GRIA4: variants seen among roughly 807,000 people sequenced by gnomAD.
GRIA4 encodes glutamate receptor 4.
A neutral mutation model predicts 104.0 loss-of-function variants in GRIA4; 34 were observed. The ratio of observed to expected loss-of-function variants is 0.33; its 90% confidence interval spans 0.25 to 0.44. GRIA4 has a LOEUF of 0.44. Ranked by LOEUF, GRIA4 falls within the 20% of genes least tolerant of loss-of-function variation. The pLI is 1.00. For missense variants in GRIA4, 750 were observed against 1,096.5 expected (o/e 0.68, Z 4.46); for synonymous variants, 386 against 381.9 (o/e 1.01, Z -0.13).
At chr11:105,865,636 A>C (rs894091527) in intron 5 of GRIA4, among the ~76,000 whole-genome samples, 1 of 152,194 alleles carries the variant, frequency 6.6e-6, no homozygotes, top group Non-Finnish European at 1.5e-5. Flanking sequence ...AGAGATTTAT[A>C]GTGGGAGTCT....
At chr11:105,793,525 T>C (rs995868978) in intron 4 of GRIA4, among the ~76,000 whole-genome samples, 1 of 152,132 alleles carries the variant, frequency 6.6e-6, no homozygotes, top group Non-Finnish European at 1.5e-5. Context: ...CAGGACTCTA[T>C]TACCTCTCTT....
intron 4 of GRIA4, among the ~76,000 whole-genome samples, chr11:105,793,393 T>C (rs912938098): frequency 6.6e-6 from 1 of 152,128 alleles, no homozygotes; most frequent in Admixed American, 6.6e-5. Flanking sequence ...TTATCACATC[T>C]AGGGTTCCTG....
chr11:105,654,291 T>G (rs1262912985), intron 3 of GRIA4, among the ~76,000 whole-genome samples: 1 of 151,824 alleles, frequency 6.6e-6, no homozygotes, highest in Admixed American at 6.6e-5. Flanking sequence ...TACAACATGC[T>G]GACTGTGACT....
chr11:105,673,941 A>G (rs1426798308), intron 3 of GRIA4, among the ~76,000 whole-genome samples: 1 of 152,040 alleles, frequency 6.6e-6, no homozygotes, highest in Non-Finnish European at 1.5e-5. Flanking sequence ...ATATTTTTAA[A>G]TGCAAATGAA....
intron 4 of GRIA4, among the ~76,000 whole-genome samples, chr11:105,764,591 C>A (rs909705205): frequency 1.3e-5 from 2 of 151,782 alleles, no homozygotes; most frequent in South Asian, 2.1e-4. Flanking sequence ...AGAAAGAGAC[C>A]CCCCTACTCC....
At position 105,753,240 on chromosome 11, in the gene GRIA4, C is replaced by T; in HGVS notation, c.487+20C>T. The T allele has an allele frequency of 6.2e-7, 1 of 1,609,712 alleles. No homozygotes were observed. The highest frequency in any genetic ancestry group is 8.5e-7 in the Non-Finnish European group (1 of 1,176,322). Reference sequence around the variant, plus strand: ...ACAGGGGTAAGTCCAGTTTCTTCATCTATTAGAGCAAAACTCTAATTTTCA... The same window carrying T: ...ACAGGGGTAAGTCCAGTTTCTTCATTTATTAGAGCAAAACTCTAATTTTCA... On this transcript the variant is annotated intron_variant, in intron 4 of 16. Coordinates refer to ENST00000282499, the MANE Select transcript of GRIA4 (RefSeq NM_000829.4).
At chr11:105,648,548 T>C (rs1313298209) in intron 3 of GRIA4, among the ~76,000 whole-genome samples, 2 of 141,772 alleles carry the variant, frequency 1.4e-5, no homozygotes, top group East Asian at 4.1e-4. Flanking sequence ...TATCAATAAA[T>C]GCAAAAAGAA....
At chr11:105,843,783 G>A (rs900605680) in intron 4 of GRIA4, among the ~76,000 whole-genome samples, 1 of 152,210 alleles carries the variant, frequency 6.6e-6, no homozygotes, top group Non-Finnish European at 1.5e-5. Flanking sequence ...CCTTTGGCCA[G>A]ATAAGGATGA....
chr11:105,865,567 G>C (rs926694850), intron 5 of GRIA4, among the ~76,000 whole-genome samples: 3 of 151,936 alleles, frequency 2.0e-5, no homozygotes, highest in African/African-American at 7.3e-5. Context: ...TTATTTTGTA[G>C]AACAGCTTGC....
At chr11:105,759,111 A>G (rs1049734698) in intron 4 of GRIA4, among the ~76,000 whole-genome samples, 85 of 152,156 alleles carry the variant, frequency 5.6e-4, no homozygotes, top group African/African-American at 2.0e-3. Context: ...TGTTTTATAT[A>G]AAGTACTTAT....
intron 11 of GRIA4, among the ~76,000 whole-genome samples, chr11:105,922,463 A>C (rs1947591101): frequency 6.6e-6 from 1 of 152,292 alleles, no homozygotes; most frequent in African/African-American, 2.4e-5. Flanking sequence ...TAAATAATTA[A>C]AGCATGTGTT....
chr11:105,870,109 G>C (rs1056339404), intron 5 of GRIA4, among the ~76,000 whole-genome samples: 4 of 151,590 alleles, frequency 2.6e-5, no homozygotes, highest in Non-Finnish European at 4.4e-5. Context: ...TTCCGTATTT[G>C]ACTTAAAGTT....
rs559348578 is a variant in GRIA4, at chr11:105,651,726, T to C, written c.247+39292T>C. 2.6e-5 allele frequency among the ~76,000 whole-genome samples: 4 copies of C among 152,062 alleles called. No homozygotes were observed. In the East Asian group the frequency reaches 7.8e-4, roughly 30 times the overall value. ...CTGCACACTTCTGCTTGAGGTTCCA[T>C]TACTTTGGCTCAATATATAGTAACA... On this transcript the variant is annotated intron_variant, in intron 3 of 16. Transcript: ENST00000282499.
At chr11:105,628,288 G>A (rs953183881) in intron 3 of GRIA4, among the ~76,000 whole-genome samples, 1 of 152,020 alleles carries the variant, frequency 6.6e-6, no homozygotes, top group African/African-American at 2.4e-5. Flanking sequence ...CACATATAGA[G>A]TTCAGAATAA....
At chr11:105,652,683 T>A (rs988481002) in intron 3 of GRIA4, among the ~76,000 whole-genome samples, 2 of 152,168 alleles carry the variant, frequency 1.3e-5, no homozygotes, top group African/African-American at 4.8e-5. Context: ...TGCTGATTCA[T>A]ACATGTATTC....
At chr11:105,616,814 T>A (rs1373007845) in intron 3 of GRIA4, among the ~76,000 whole-genome samples, 1 of 151,762 alleles carries the variant, frequency 6.6e-6, no homozygotes, top group Non-Finnish European at 1.5e-5. Flanking sequence ...TAGCTTTTCT[T>A]ATTTTGAATT....
chr11:105,834,840 A>C (rs1424260741), intron 4 of GRIA4, among the ~76,000 whole-genome samples: 2 of 151,780 alleles, frequency 1.3e-5, no homozygotes, highest in African/African-American at 4.8e-5. Context: ...CAAAGAGAAA[A>C]CCTATTTAGG....
At chr11:105,855,133 T>C (rs964406055) in intron 4 of GRIA4, among the ~76,000 whole-genome samples, 5 of 152,136 alleles carry the variant, frequency 3.3e-5, no homozygotes, top group African/African-American at 1.2e-4. Context: ...AGCTCCTTCC[T>C]CCTCACCATC....
Position 105,707,162 on chromosome 11 carries a change from T to C in GRIA4, c.248-45819T>C, listed in dbSNP as rs142160355. ...TCAGAACCCCTGGCTTTGATGACAA[T>C]AGAAAGAACCAGCTTAATGATATAG... On this transcript the variant is annotated intron_variant, in intron 3 of 16. Transcript: ENST00000282499. 1,043 of 154,260 alleles carry C rather than the reference T, an allele frequency of 6.8e-3. 8 individuals carry two copies. The highest frequency in any genetic ancestry group is 0.016 in the South Asian group (79 of 4,876). The allele number at this position is 154,260 out of a possible 1,614,324, so 9.6% of individuals were successfully genotyped here. A position where few individuals can be genotyped will look rare whatever the true frequency, so the allele number is the denominator to read the frequency against.
Sources: allele counts gnomAD v4.1 joint callset (sites outside exome capture counted in the v4.1 genomes callset), GRCh38; gene constraint gnomAD v4.1.1; transcripts MANE v1.5; gene names NCBI Gene and HGNC (gene_info 2026-07-23, HGNC 2026-07-21).